Variants in RFTN1 observed in about 807,000 individuals in gnomAD.
RFTN1 encodes the protein raftlin, lipid raft linker 1, also known as raftlin.
A neutral mutation model predicts 46.5 loss-of-function variants in RFTN1; 26 were observed. The ratio of observed to expected loss-of-function variants is 0.56; its 90% CI spans 0.41 to 0.78. The LOEUF is 0.78. Among genes scored for constraint, RFTN1 ranks in the 30% least tolerant of loss-of-function variants. RFTN1 has a pLI of 0.00. For synonymous variants in RFTN1, 261 were observed against 284.2 expected, an observed-to-expected ratio of 0.92 and a Z score of 0.82; for missense variants, 693 against 718.7, an observed-to-expected ratio of 0.96 and a Z score of 0.41.
chr3:16,498,556 A>T lies in RFTN1; in HGVS notation c.-8-4679T>A, dbSNP rs1368244092. Among the ~76,000 whole-genome samples the T allele has an allele frequency of 6.6e-6, 1 of 152,214 alleles. No homozygotes were observed. The highest frequency in any genetic ancestry group is 2.1e-4 in the South Asian group (1 of 4,832). ...AATATCATTGAATCCTTGAATCTCA[A>T]ATTTTAGAGACTGATTTCTCTGGAG... On this transcript the variant is annotated intron_variant, in intron 1 of 9. Coordinates refer to ENST00000334133, the MANE Select transcript of RFTN1 (RefSeq NM_015150.2). The surrounding 1 kb of genome is among the most constrained non-coding windows in gnomAD (Gnocchi z 5.2).
At chr3:16,511,124 G>A (rs1402600582) in intron 1 of RFTN1, among the ~76,000 whole-genome samples, 1 of 152,166 alleles carries the variant, frequency 6.6e-6, no homozygotes, top group East Asian at 1.9e-4. Context: ...GAGGGTGAGG[G>A]CAGAGAATGA....
chr3:16,469,214 A>C (rs930980376), intron 2 of RFTN1, among the ~76,000 whole-genome samples: 3 of 152,260 alleles, frequency 2.0e-5, no homozygotes, highest in African/African-American at 7.2e-5. Flanking sequence ...CATCTGTAAA[A>C]TGTGCATAAT....
In RFTN1 at chr3:16,506,400, G is replaced by C. The variant is rs1229810078; in HGVS notation, c.-9+7042C>G. Among the ~76,000 whole-genome samples the C allele has an allele frequency of 6.6e-6, 1 of 152,132 alleles. No homozygotes were observed. Among genetic ancestry groups the C allele is most frequent in the Admixed American group, 6.5e-5 (1 of 15,276 alleles). On this transcript the variant is annotated intron_variant, in intron 1 of 9. Coordinates refer to ENST00000334133, the MANE Select transcript of RFTN1 (RefSeq NM_015150.2). The surrounding 1 kb of genome is among the most constrained non-coding windows in gnomAD (Gnocchi z 4.8). ...CTGACTGAGTTGGAAGCCTCTGGAA[G>C]GTTTCGAGCTGAAAGAAGACATCAA...
At position 16,380,547 on chromosome 3, in the gene RFTN1, C is replaced by A. The variant is rs1392129487; in HGVS notation, c.442-2445G>T. Among the ~76,000 whole-genome samples the A allele has an allele frequency of 6.6e-6, 1 of 152,194 alleles. No individual in the cohort carries two copies. Among genetic ancestry groups the A allele is most frequent in the Non-Finnish European group, 1.5e-5 (1 of 68,038 alleles). ...CATATTCCTTTGCCATCTTGTACTG[C>A]AAATTTATCCTCTAGGCCAGGGGTT... On this transcript the variant is annotated intron_variant, in intron 4 of 9. Transcript: ENST00000334133. This position sits in a 1 kb window ranked among gnomAD's most constrained non-coding sequence, Gnocchi z 4.8.
intron 2 of RFTN1, among the ~76,000 whole-genome samples, chr3:16,435,413 A>G (rs1359506240): frequency 6.7e-6 from 1 of 149,718 alleles, no homozygotes; most frequent in Admixed American, 6.6e-5. Context: ...TGCTAAAAAT[A>G]TAAAAAATTA....
chr3:16,507,322 C>T lies in RFTN1; in HGVS notation c.-9+6120G>A, dbSNP rs552107763. On this transcript the variant is annotated intron_variant, in intron 1 of 9. Transcript: ENST00000334133. The surrounding 1 kb of genome is among the most constrained non-coding windows in gnomAD (Gnocchi z 7.1). ...ACTGAAAAGGGCACTTATAAGGTAT[C>T]ATAAGACACCAGAAAATCCCAAAAG... Among the ~76,000 whole-genome samples the T allele has an allele frequency of 3.5e-4, 54 of 152,224 alleles. 1 individual carries two copies. In the South Asian group the frequency reaches 5.8e-3, roughly 16 times the overall value.
intron 2 of RFTN1, 108 bp from the exon 3 acceptor site, chr3:16,434,145 T>A: frequency 1.1e-6 from 1 of 913,288 alleles, no homozygotes. Context: ...AGGTCACTGC[T>A]AAAATGAGTT....
chr3:16,338,440 C>T lies in RFTN1; in HGVS notation c.1147-11564G>A, dbSNP rs2071067922. Among the ~76,000 whole-genome samples the T allele has an allele frequency of 6.6e-6, 1 of 152,246 alleles. No individual in the cohort carries two copies. Among genetic ancestry groups the T allele is most frequent in the South Asian group, 2.1e-4 (1 of 4,836 alleles). On this transcript the variant is annotated intron_variant, in intron 7 of 9. Transcript: ENST00000334133. The surrounding 1 kb of genome is among the most constrained non-coding windows in gnomAD (Gnocchi z 5.3). ...ACACAAAGCTGCCACATCCTGTCAGCTGCTCATCGGGACCACGTATGCAAT... is the reference window on the plus strand; with the variant it reads ...ACACAAAGCTGCCACATCCTGTCAGTTGCTCATCGGGACCACGTATGCAAT...
chr3:16,403,130 C>T (rs2074645917), intron 4 of RFTN1, among the ~76,000 whole-genome samples: 1 of 152,180 alleles, frequency 6.6e-6, no homozygotes, highest in South Asian at 2.1e-4. Context: ...CAACATCTGA[C>T]CCCATGTACC....
intron 2 of RFTN1, among the ~76,000 whole-genome samples, chr3:16,490,143 A>T (rs2076516880): frequency 1.3e-5 from 2 of 152,246 alleles, no homozygotes; most frequent in African/African-American, 4.8e-5. Flanking sequence ...TAGAAAGCTG[A>T]ACAAGGAAGA....
chr3:16,448,589 T>C lies in RFTN1; in HGVS notation c.146-14552A>G, dbSNP rs547185890. 2.6e-5 allele frequency among the ~76,000 whole-genome samples: 4 copies of C among 152,330 alleles called. No homozygotes were observed. The East Asian group carries it at 5.8e-4, about 22-fold the overall frequency. On this transcript the variant is annotated intron_variant, in intron 2 of 9. Coordinates refer to ENST00000334133, the MANE Select transcript of RFTN1 (RefSeq NM_015150.2). This position sits in a 1 kb window ranked among gnomAD's most constrained non-coding sequence, Gnocchi z 4.1. ...TTAACTAACTGTCGCTATTCCAAATTGGAGGAAAAAAAGTACAACTTTTTA... is the reference window on the plus strand; with the variant it reads ...TTAACTAACTGTCGCTATTCCAAATCGGAGGAAAAAAAGTACAACTTTTTA...
At chr3:16,355,431 G>T (rs2072372377) in intron 7 of RFTN1, among the ~76,000 whole-genome samples, 1 of 152,214 alleles carries the variant, frequency 6.6e-6, no homozygotes. Flanking sequence ...TCTGGCAAAG[G>T]CCCATTCCTC....
In RFTN1 at chr3:16,387,570, T is replaced by TCTCTCTCTCTCTCTC. The variant is rs2074222998; in HGVS notation, c.442-9469_442-9468insGAGAGAGAGAGAGAG. 6.0e-5 allele frequency among the ~76,000 whole-genome samples: 7 copies of TCTCTCTCTCTCTCTC among 116,418 alleles called. No individual in the cohort carries two copies. The highest frequency in any genetic ancestry group is 2.8e-4 in the South Asian group (1 of 3,576). The allele number at this position is 116,418 out of a possible 152,430, so 76.4% of individuals were successfully genotyped here. Reference sequence around the variant, plus strand: ...CACTTCTCTCTTCTATATCCTCAATTTCTCTCTCTCTCTCTCTCTCTCTCT... The same window carrying TCTCTCTCTCTCTCTC: ...CACTTCTCTCTTCTATATCCTCAATTCTCTCTCTCTCTCTCTCTCTCTCTCTCTCTCTCTCTCTCT... On this transcript the variant is annotated intron_variant, in intron 4 of 9. Transcript: ENST00000334133. The surrounding 1 kb of genome is among the most constrained non-coding windows in gnomAD (Gnocchi z 5.2).
Position 16,452,459 on chromosome 3 carries a change from C to T in RFTN1, c.146-18422G>A, listed in dbSNP as rs79664616. ...ATCATGGGTTTATGCCAAAAGATGA[C>T]GCAGAGCTAGTCAGCAGAAACACTG... On this transcript the variant is annotated intron_variant, in intron 2 of 9. Coordinates refer to ENST00000334133, the MANE Select transcript of RFTN1 (RefSeq NM_015150.2). The surrounding 1 kb of genome is among the most constrained non-coding windows in gnomAD (Gnocchi z 6.3). 2.2e-3 allele frequency among the ~76,000 whole-genome samples: 341 copies of T among 152,302 alleles called. No individual in the cohort carries two copies. The highest frequency in any genetic ancestry group is 7.5e-3 in the African/African-American group (313 of 41,560).
In RFTN1 at chr3:16,341,158, A is replaced by G. The variant is rs2071291529; in HGVS notation, c.1147-14282T>C. ...AAGATCCAAAACACTGACAATACTT[A>G]ATGCCGGTGAGGATGTGGAACAACA... On this transcript the variant is annotated intron_variant, in intron 7 of 9. Coordinates refer to ENST00000334133, the MANE Select transcript of RFTN1 (RefSeq NM_015150.2). This position sits in a 1 kb window ranked among gnomAD's most constrained non-coding sequence, Gnocchi z 4.7. Among the ~76,000 whole-genome samples, 1 of 152,236 alleles carries G rather than the reference A, an allele frequency of 6.6e-6. No homozygotes were observed. The highest frequency in any genetic ancestry group is 6.5e-5 in the Admixed American group (1 of 15,288).
intron 1 of RFTN1, among the ~76,000 whole-genome samples, chr3:16,497,336 T>C (rs2076641621): frequency 6.6e-6 from 1 of 152,242 alleles, no homozygotes; most frequent in Non-Finnish European, 1.5e-5. Flanking sequence ...TCTCAATTCT[T>C]CTGAATAAAA....
At position 16,406,719 on chromosome 3, in the gene RFTN1, A is replaced by G. The variant is rs145892105; in HGVS notation, c.441+2656T>C. 3.0e-4 allele frequency among the ~76,000 whole-genome samples: 45 copies of G among 152,352 alleles called. 1 individual carries two copies. The East Asian group carries it at 6.4e-3, about 22-fold the overall frequency. On this transcript the variant is annotated intron_variant, in intron 4 of 9. Coordinates refer to ENST00000334133, the MANE Select transcript of RFTN1 (RefSeq NM_015150.2). Reference sequence around the variant, plus strand: ...AACTGAGACTTTGAGCAAAATGACAAATGAAACCAATTTTCTTCTCAAGGT... The same window carrying G: ...AACTGAGACTTTGAGCAAAATGACAGATGAAACCAATTTTCTTCTCAAGGT...
chr3:16,409,543 G>A lies in RFTN1; in HGVS notation c.333-60C>T, dbSNP rs968239139. On this transcript the variant is annotated intron_variant, in intron 3 of 9. Coordinates refer to ENST00000334133, the MANE Select transcript of RFTN1 (RefSeq NM_015150.2). The stretch of plus-strand genomic sequence containing the variant: ...TAATATCTTGCATAATTTGGAGACA[G>A]TCTCACTCTTGTCACCCAGGCTGGA... 1.4e-5 allele frequency: 17 copies of A among 1,208,998 alleles called. No homozygotes were observed. The African/African-American group carries it at 2.5e-4, about 18-fold the overall frequency. 74.9% of individuals were successfully genotyped at this position (1,208,998 alleles called of 1,614,324 possible).
Position 16,447,890 on chromosome 3 carries a change from A to T in RFTN1, c.146-13853T>A, listed in dbSNP as rs763688074. Among the ~76,000 whole-genome samples, 1 of 152,198 alleles carries T rather than the reference A, an allele frequency of 6.6e-6. No homozygotes were observed. The highest frequency in any genetic ancestry group is 2.4e-5 in the African/African-American group (1 of 41,452). Reference sequence around the variant, plus strand: ...AGAAGTCTGGCCTTTGAGGTTACGCATGAGGATCTGATAGGCATTTGTGTG... The same window carrying T: ...AGAAGTCTGGCCTTTGAGGTTACGCTTGAGGATCTGATAGGCATTTGTGTG... On this transcript the variant is annotated intron_variant, in intron 2 of 9. Transcript: ENST00000334133. The surrounding 1 kb of genome is among the most constrained non-coding windows in gnomAD (Gnocchi z 5.9).
Sources: allele counts gnomAD v4.1 joint callset (sites outside exome capture counted in the v4.1 genomes callset), GRCh38; gene constraint gnomAD v4.1.1; non-coding constraint Gnocchi (gnomAD v3.1); transcripts MANE v1.5; gene names NCBI Gene and HGNC (gene_info 2026-07-23, HGNC 2026-07-21).